The following COL25A1 variants were observed in gnomAD, a reference collection of about 807,000 sequenced individuals.
COL25A1 encodes the protein collagen type XXV alpha 1 chain, also known as collagen alpha-1(XXV) chain.
COL25A1 carries 103 observed loss-of-function variants against 128.4 expected under a neutral mutation model. The observed-to-expected ratio is 0.80, with a 90% CI of 0.68 to 0.94. The LOEUF (loss-of-function observed/expected upper bound fraction) is 0.94. Among genes scored for constraint, COL25A1 ranks in the 40% least tolerant of loss-of-function variants. The probability of loss-of-function intolerance (pLI) is 0.00; values close to 1 mark genes in which losing one functional copy is unlikely to be tolerated. For missense variants in COL25A1, 745 were observed against 840.0 expected (o/e 0.89, Z 1.40); for synonymous variants, 279 against 277.2 (o/e 1.01, Z -0.06).
chr4:108,832,495 C>A, intron 31 of COL25A1, 62 bp from the exon 32 acceptor site: 1 of 1,169,334 alleles, frequency 8.6e-7, no homozygotes, highest in Admixed American at 2.1e-5. Flanking sequence ...TATAATTTAT[C>A]CTGGATTTTT....
chr4:108,853,383 TGTGTGTGTGTGC>T (rs1043460595), intron 24 of COL25A1, among the ~76,000 whole-genome samples: 7 of 59,418 alleles, frequency 1.2e-4, no homozygotes, highest in Non-Finnish European at 2.2e-4. Flanking sequence ...TGTTTGTGCG[TGTGTGTGTGTGC>T]GTGTGTGTGT....
chr4:108,998,785 G>A (rs1185849863), intron 6 of COL25A1, among the ~76,000 whole-genome samples: 2 of 152,222 alleles, frequency 1.3e-5, no homozygotes, highest in East Asian at 3.9e-4. Flanking sequence ...CAATGGAACA[G>A]AACAGAGGCC....
chr4:109,017,166 G>A (rs1757300593), intron 5 of COL25A1, among the ~76,000 whole-genome samples: 1 of 152,192 alleles, frequency 6.6e-6, no homozygotes, highest in Non-Finnish European at 1.5e-5. Flanking sequence ...ATCTTATCCA[G>A]CCACAGGTTT....
At chr4:108,952,269 T>C (rs1013637070) in intron 8 of COL25A1, among the ~76,000 whole-genome samples, 2 of 152,130 alleles carry the variant, frequency 1.3e-5, no homozygotes, top group African/African-American at 4.8e-5. Flanking sequence ...ATTGCTTTAA[T>C]GAATAAATAA....
At chr4:109,031,352 G>A (rs1228094454) in intron 5 of COL25A1, among the ~76,000 whole-genome samples, 2 of 151,972 alleles carry the variant, frequency 1.3e-5, no homozygotes, top group African/African-American at 2.4e-5. Context: ...TTCTGACCTC[G>A]TGATCCGCCC....
chr4:109,058,565 T>G (rs186667837), intron 3 of COL25A1, among the ~76,000 whole-genome samples: 212 of 152,296 alleles, frequency 1.4e-3, no homozygotes, highest in Non-Finnish European at 2.4e-3. Context: ...AAGTTGAATA[T>G]AGTTTTTCAA....
intron 13 of COL25A1, among the ~76,000 whole-genome samples, chr4:108,916,337 T>C (rs1019836257): frequency 4.3e-4 from 65 of 152,204 alleles, no homozygotes; most frequent in African/African-American, 1.5e-3. Flanking sequence ...TTCCTTGAAA[T>C]ATAATTTAAA....
chr4:109,078,142 G>A (rs1041946769), intron 3 of COL25A1, among the ~76,000 whole-genome samples: 5 of 152,112 alleles, frequency 3.3e-5, no homozygotes, highest in African/African-American at 7.2e-5. Flanking sequence ...CTAATTTTCT[G>A]CTAATTTTCC....
chr4:108,851,723 G>T (rs537515330), intron 26 of COL25A1, among the ~76,000 whole-genome samples: 1 of 152,222 alleles, frequency 6.6e-6, no homozygotes, highest in South Asian at 2.1e-4. Flanking sequence ...CATTAGATAA[G>T]ATTTAAATGG....
At chr4:108,998,363 C>T (rs1383251128) in intron 6 of COL25A1, among the ~76,000 whole-genome samples, 1 of 152,120 alleles carries the variant, frequency 6.6e-6, no homozygotes, top group African/African-American at 2.4e-5. Flanking sequence ...CTCCCATTCA[C>T]AATTGCTACA....
At chr4:109,020,501 T>G (rs1757623050) in intron 5 of COL25A1, among the ~76,000 whole-genome samples, 1 of 15,020 alleles carries the variant, frequency 6.7e-5, no homozygotes, top group African/African-American at 2.0e-4. Flanking sequence ...GCATGGAGAT[T>G]ATTATGGGGG....
chr4:109,265,078 T>C (rs868770619), intron 3 of COL25A1, among the ~76,000 whole-genome samples: 5 of 152,312 alleles, frequency 3.3e-5, no homozygotes, highest in Middle Eastern at 3.4e-3. Flanking sequence ...TGTTCAGACA[T>C]ATTTGACATT....
chr4:109,269,309 C>T (rs1411589565), intron 3 of COL25A1, among the ~76,000 whole-genome samples: 4 of 151,158 alleles, frequency 2.6e-5, no homozygotes, highest in African/African-American at 9.8e-5. Flanking sequence ...ATATATGCCA[C>T]ATTTTCTTAA....
At chr4:109,094,446 T>TATTCAAGTTC (rs1258934922) in intron 3 of COL25A1, among the ~76,000 whole-genome samples, 4 of 152,326 alleles carry the variant, frequency 2.6e-5, no homozygotes, top group African/African-American at 2.4e-5. Context: ...GTTCACTGTG[T>TATTCAAGTTC]ACCGTAATAC....
intron 3 of COL25A1, among the ~76,000 whole-genome samples, chr4:109,180,376 T>G (rs1205805567): frequency 6.6e-6 from 1 of 152,202 alleles, no homozygotes; most frequent in Non-Finnish European, 1.5e-5. Context: ...TTTAAAACTC[T>G]AAAGGATAGT....
At chr4:108,960,690 C>T (rs761299436) in intron 8 of COL25A1, among the ~76,000 whole-genome samples, 15 of 152,038 alleles carry the variant, frequency 9.9e-5, no homozygotes, top group Non-Finnish European at 1.5e-4. Flanking sequence ...TCAACCACTA[C>T]GAAATAGAAA....
At chr4:109,075,766 T>C (rs1490746252) in intron 3 of COL25A1, among the ~76,000 whole-genome samples, 22 of 152,180 alleles carry the variant, frequency 1.4e-4, no homozygotes, top group Admixed American at 1.4e-3. Flanking sequence ...AAATTAACAA[T>C]CTATACGATC....
chr4:108,821,772 T>C (rs926195081), intron 35 of COL25A1, among the ~76,000 whole-genome samples: 1 of 152,148 alleles, frequency 6.6e-6, no homozygotes, highest in African/African-American at 2.4e-5. Flanking sequence ...TGATTCCCCA[T>C]GCAATACAAA....
chr4:108,962,064 A>G (rs921226612), intron 8 of COL25A1, among the ~76,000 whole-genome samples: 3 of 152,178 alleles, frequency 2.0e-5, no homozygotes, highest in African/African-American at 7.2e-5. Context: ...CTAATGTTAC[A>G]GTTAGTTCCT....
Sources: allele counts gnomAD v4.1 joint callset (sites outside exome capture counted in the v4.1 genomes callset), GRCh38; gene constraint gnomAD v4.1.1; transcripts MANE v1.5; gene names NCBI Gene and HGNC (gene_info 2026-07-23, HGNC 2026-07-21).